TOR1AIP2: variants seen among roughly 807,000 people sequenced by gnomAD.
TOR1AIP2 encodes the protein torsin-1A-interacting protein 2.
Under a neutral mutation model 32.6 loss-of-function variants are expected in TOR1AIP2, and 20 were observed. The observed-to-expected ratio is 0.61, with a 90% confidence interval of 0.43 to 0.89. The LOEUF is 0.89. TOR1AIP2 is among the 40% of genes least tolerant of loss of function. TOR1AIP2 has a pLI of 0.00. For missense variants in TOR1AIP2, 456 were observed against 553.8 expected, an observed-to-expected ratio of 0.82 and a Z score of 1.77; for synonymous variants, 214 against 210.8, an observed-to-expected ratio of 1.02 and a Z score of -0.13.
chr1:179,851,307 T>C lies in TOR1AIP2; in HGVS notation c.91A>G (p.Thr31Ala), dbSNP rs1221340691. The C allele has an allele frequency of 1.6e-5, 25 of 1,605,104 alleles. No individual in the cohort carries two copies. The highest frequency in any genetic ancestry group is 2.0e-5 in the Non-Finnish European group (23 of 1,178,692). Reference protein sequence around the residue: ...PSVNSQAQETTIIASNAEEAE... With the variant: ...PSVNSQAQETAIIASNAEEAE... The stretch of plus-strand genomic sequence containing the variant: ...TCTTCAGCATTACTTGCTATGATTG[T>C]GGTCTCCTGCGCCTGAGAATTTACT... The change falls in exon 5 of 7, where the codon ACA becomes GCA. Residue 31 changes from threonine to alanine, a missense_variant. Transcript: ENST00000609928.
intron 3 of TOR1AIP2, among the ~76,000 whole-genome samples, chr1:179,858,136 C>A (rs560220258): frequency 6.6e-6 from 1 of 151,598 alleles, no homozygotes; most frequent in South Asian, 2.1e-4. Context: ...GCCTGAGTGA[C>A]CCTGTCTCGG....
intron 3 of TOR1AIP2, 99 bp downstream of exon 3, chr1:179,865,337 T>A (rs754858513): frequency 5.2e-4 from 449 of 868,234 alleles, no homozygotes; most frequent in Admixed American, 1.1e-3. Flanking sequence ...TGCACCTCCG[T>A]GCAATTCTTC....
chr1:179,844,687 TCTCA>T lies in TOR1AIP2; in HGVS notation c.*1380_*1383del, dbSNP rs779439244. 2 of 152,202 alleles carry T rather than the reference TCTCA, an allele frequency of 1.3e-5. No homozygotes were observed. The highest frequency in any genetic ancestry group is 2.9e-5 in the Non-Finnish European group (2 of 68,018). 9.4% of individuals were successfully genotyped at this position (152,202 alleles called of 1,614,324 possible). ...GAATCTACCCACCATTTCTGCTTCCTCTCACTAAGTATAACATCTCTTAGATTTC... is the reference window on the plus strand; with the variant it reads ...GAATCTACCCACCATTTCTGCTTCCTCTAAGTATAACATCTCTTAGATTTC... On this transcript the variant is annotated 3_prime_UTR_variant, in exon 7 of 7. Coordinates refer to ENST00000609928, the MANE Select transcript of TOR1AIP2 (RefSeq NM_001199260.2).
chr1:179,863,507 G>GA (rs1317588054), intron 3 of TOR1AIP2: 180 of 974,206 alleles, frequency 1.8e-4, no homozygotes, highest in Admixed American at 1.2e-3. Flanking sequence ...TACTCATTGA[G>GA]AAAAAAAAAC....
In TOR1AIP2 at chr1:179,877,229, C is replaced by T. The variant is rs1441954246; in HGVS notation, c.-566+10G>A. On this transcript the variant is annotated intron_variant, in intron 2 of 6. Transcript: ENST00000609928. ...TTTTATCCCAAAACAAAAATATACC[C>T]CCAACCTACCTCGTTTACTGTTTGA... The T allele has an allele frequency of 6.6e-6, 1 of 151,952 alleles. No homozygotes were observed. The highest frequency in any genetic ancestry group is 2.4e-5 in the African/African-American group (1 of 41,338). The allele number at this position is 151,952 out of a possible 1,614,324, so 9.4% of individuals were successfully genotyped here.
intron 6 of TOR1AIP2, 72 bp downstream of exon 6, chr1:179,847,463 G>T: frequency 2.0e-6 from 2 of 1,013,532 alleles, no homozygotes; most frequent in Non-Finnish European, 3.2e-6. Context: ...AAATCTGCTA[G>T]TTTTCTAGGC....
At chr1:179,864,128 T>A (rs896424824) in intron 3 of TOR1AIP2, 1 of 985,372 alleles carries the variant, frequency 1.0e-6, no homozygotes, top group Non-Finnish European at 1.2e-6. Flanking sequence ...TCTGCATGTT[T>A]CTGCATAACC....
chr1:179,872,811 C>T (rs1418326688), intron 2 of TOR1AIP2, among the ~76,000 whole-genome samples: 3 of 152,204 alleles, frequency 2.0e-5, no homozygotes, highest in African/African-American at 4.8e-5. Flanking sequence ...GTGGGTGGCA[C>T]AACTGACTGC....
At position 179,843,110 on chromosome 1, in the gene TOR1AIP2, T is replaced by C. The variant is rs1433329193; in HGVS notation, c.*2961A>G. The C allele has an allele frequency of 6.8e-6, 1 of 147,638 alleles. No individual in the cohort carries two copies. The allele number at this position is 147,638 out of a possible 1,614,324, so 9.1% of individuals were successfully genotyped here. On this transcript the variant is annotated 3_prime_UTR_variant, in exon 7 of 7. Coordinates refer to ENST00000609928, the MANE Select transcript of TOR1AIP2 (RefSeq NM_001199260.2). ...GAAATTAACCTAATACATTAGATAA[T>C]AGATTTGAATTATCTGTACATTTAT...
chr1:179,865,429 C>A lies in TOR1AIP2; in HGVS notation c.-147+7G>T. 1 of 487,162 alleles carries A rather than the reference C, an allele frequency of 2.1e-6. No homozygotes were observed. Among genetic ancestry groups the A allele is most frequent in the Non-Finnish European group, 3.6e-6 (1 of 276,272 alleles). The allele number at this position is 487,162 out of a possible 1,614,324, so 30.2% of individuals were successfully genotyped here. A position where few individuals can be genotyped will look rare whatever the true frequency, so the allele number is the denominator to read the frequency against. On this transcript the variant is annotated splice_region_variant and intron_variant, in intron 3 of 6. Transcript: ENST00000609928. ...CGATCCAGTTTATAATGTTATCAGT[C>A]ACTTACTAGCAGTACAGATCTCAGG...
intron 3 of TOR1AIP2, chr1:179,860,262 C>A (rs1272063258): frequency 3.2e-6 from 3 of 935,504 alleles, no homozygotes; most frequent in African/African-American, 3.6e-5. Context: ...GTGAGAGGAT[C>A]GCTTGAGGCC....
At chr1:179,862,517 G>C in intron 3 of TOR1AIP2, 11 of 985,332 alleles carry the variant, frequency 1.1e-5, no homozygotes, top group Non-Finnish European at 1.3e-5. Flanking sequence ...GCAGATACAG[G>C]GTGCATCTCT....
intron 4 of TOR1AIP2, among the ~76,000 whole-genome samples, chr1:179,852,279 GAGA>G (rs966280011): frequency 4.7e-5 from 7 of 148,456 alleles, no homozygotes; most frequent in East Asian, 1.9e-4. Context: ...AAAAAAAAAG[GAGA>G]AGAAGAGGAA....
At chr1:179,849,712 T>G (rs1026485512) in intron 5 of TOR1AIP2, among the ~76,000 whole-genome samples, 1 of 152,194 alleles carries the variant, frequency 6.6e-6, no homozygotes, top group Non-Finnish European at 1.5e-5. Context: ...CCAACTCAGC[T>G]TCCCAAGTAA....
intron 2 of TOR1AIP2, among the ~76,000 whole-genome samples, chr1:179,876,470 C>A (rs989765390): frequency 6.6e-6 from 1 of 152,176 alleles, no homozygotes; most frequent in African/African-American, 2.4e-5. Context: ...ACTGCACGTT[C>A]AGCATAATAA....
intron 3 of TOR1AIP2, chr1:179,863,707 C>T: frequency 1.0e-6 from 1 of 979,184 alleles, no homozygotes; most frequent in Non-Finnish European, 1.2e-6. Flanking sequence ...AAGAGGATCG[C>T]AAGGGGGAAG....
chr1:179,840,890 A>G lies in TOR1AIP2; in HGVS notation c.*5181T>C. On this transcript the variant is annotated 3_prime_UTR_variant, in exon 7 of 7. Coordinates refer to ENST00000609928, the MANE Select transcript of TOR1AIP2 (RefSeq NM_001199260.2). ...CCACATGTATCCCAGAACTTAAACTATAATAATAATAATAATAATAATAAT... is the reference window on the plus strand; with the variant it reads ...CCACATGTATCCCAGAACTTAAACTGTAATAATAATAATAATAATAATAAT... The G allele has an allele frequency of 1.5e-5, 1 of 64,838 alleles. No homozygotes were observed. The highest frequency in any genetic ancestry group is 1.1e-4 in the African/African-American group (1 of 9,032). The allele number at this position is 64,838 out of a possible 1,614,324, so 4.0% of individuals were successfully genotyped here. A position where few individuals can be genotyped will look rare whatever the true frequency, so the allele number is the denominator to read the frequency against.
intron 2 of TOR1AIP2, among the ~76,000 whole-genome samples, chr1:179,873,022 C>T (rs1029101352): frequency 6.6e-6 from 1 of 152,172 alleles, no homozygotes; most frequent in African/African-American, 2.4e-5. Flanking sequence ...TGGCACAATT[C>T]AATTAACTAG....
chr1:179,869,741 C>A (rs1418879161), intron 2 of TOR1AIP2, among the ~76,000 whole-genome samples: 1 of 152,188 alleles, frequency 6.6e-6, no homozygotes, highest in East Asian at 1.9e-4. Flanking sequence ...TCTCTGAAGG[C>A]ATGAATTTCT....
Sources: gnomAD v4.1 joint callset for allele counts (sites outside exome capture counted in the v4.1 genomes callset) on GRCh38, gnomAD v4.1.1 for gene constraint, MANE v1.5 for transcripts, NCBI Gene and HGNC (gene_info 2026-07-23, HGNC 2026-07-21) for gene names.